CDKAL1: variants seen among roughly 807,000 people sequenced by gnomAD.
The protein encoded by CDKAL1 is threonylcarbamoyladenosine tRNA methylthiotransferase.
In CDKAL1, 32 loss-of-function variants were observed where a neutral mutation model predicts 68.2. The observed-to-expected ratio is 0.47, with a 90% CI of 0.35 to 0.63. The LOEUF is 0.63. Among genes scored for constraint, CDKAL1 ranks in the 30% least tolerant of loss-of-function variants. The pLI, the probability that CDKAL1 is intolerant of heterozygous loss-of-function variation, is 0.00. For synonymous variants in CDKAL1, 234 were observed against 244.3 expected (o/e 0.96, Z 0.39); for missense variants, 606 against 696.7 (o/e 0.87, Z 1.47).
rs973040121 is a variant in CDKAL1 at position 20,680,982 on chromosome 6, T to C, written c.371+31605T>C. ...AAATAACACTTATTGGCATCAAAGA[T>C]ACTAAAGTATTTAATGCCTTAAATG... On this transcript the variant is annotated intron_variant, in intron 5 of 15. Coordinates refer to ENST00000274695, the MANE Select transcript of CDKAL1 (RefSeq NM_017774.3). 1.8e-4 allele frequency among the ~76,000 whole-genome samples: 28 copies of C among 152,204 alleles called. 1 individual carries two copies. Among genetic ancestry groups the C allele is most frequent in the African/African-American group, 6.8e-4 (28 of 41,446 alleles).
intron 9 of CDKAL1, among the ~76,000 whole-genome samples, chr6:20,888,668 G>GT (rs1229282313): frequency 6.6e-6 from 1 of 150,710 alleles, no homozygotes; most frequent in African/African-American, 2.4e-5. Context: ...ATGATTTCCA[G>GT]TTTCATCCAT....
At chr6:20,988,433 A>G (rs997998270) in intron 10 of CDKAL1, among the ~76,000 whole-genome samples, 4 of 152,192 alleles carry the variant, frequency 2.6e-5, no homozygotes, top group Non-Finnish European at 5.9e-5. Context: ...CGTAACATTC[A>G]CAATCATAGT....
At chr6:20,612,823 T>C (rs889510515) in intron 4 of CDKAL1, among the ~76,000 whole-genome samples, 1 of 152,144 alleles carries the variant, frequency 6.6e-6, no homozygotes, top group African/African-American at 2.4e-5. Context: ...CCTAGACCAA[T>C]GTCCTGGAGT....
At chr6:20,621,831 T>C (rs183737783) in intron 4 of CDKAL1, among the ~76,000 whole-genome samples, 2 of 151,760 alleles carry the variant, frequency 1.3e-5, no homozygotes, top group Admixed American at 1.3e-4. Flanking sequence ...ATCTTGCATA[T>C]TTCCTGCCCC....
intron 11 of CDKAL1, among the ~76,000 whole-genome samples, chr6:21,032,479 G>A (rs1008725609): frequency 6.6e-6 from 1 of 152,040 alleles, no homozygotes; most frequent in African/African-American, 2.4e-5. Flanking sequence ...CTCCCAAATA[G>A]AGCTGATTAT....
intron 4 of CDKAL1, among the ~76,000 whole-genome samples, chr6:20,625,631 T>G (rs988429476): frequency 6.6e-6 from 1 of 152,126 alleles, no homozygotes; most frequent in Non-Finnish European, 1.5e-5. Context: ...TCAAATGTGT[T>G]CTGTGTACTT....
chr6:20,826,040 A>G (rs1777489991), intron 8 of CDKAL1, among the ~76,000 whole-genome samples: 1 of 152,166 alleles, frequency 6.6e-6, no homozygotes, highest in African/African-American at 2.4e-5. Context: ...ACTTGTAATT[A>G]TATCATTTCC....
At chr6:20,886,167 T>C (rs561848504) in intron 9 of CDKAL1, among the ~76,000 whole-genome samples, 1 of 152,312 alleles carries the variant, frequency 6.6e-6, no homozygotes, top group South Asian at 2.1e-4. Flanking sequence ...TCTTAGTCTT[T>C]AGTGTGATGC....
intron 8 of CDKAL1, among the ~76,000 whole-genome samples, chr6:20,790,780 C>A (rs1437297427): frequency 2.6e-5 from 4 of 152,080 alleles, no homozygotes; most frequent in African/African-American, 9.7e-5. Context: ...GGGGGTGGTC[C>A]CCCCACCCCT....
chr6:20,612,080 T>C (rs13212501), intron 4 of CDKAL1, among the ~76,000 whole-genome samples: 9,965 of 152,242 alleles, frequency 0.065, 438 homozygotes, highest in African/African-American at 0.12. Context: ...AATGATATGA[T>C]TTTGTTCTTT....
At chr6:21,155,076 TTAC>T (rs1776585900) in intron 13 of CDKAL1, among the ~76,000 whole-genome samples, 1 of 152,134 alleles carries the variant, frequency 6.6e-6, no homozygotes. Flanking sequence ...TTTAAAACGT[TTAC>T]TGCTGACCTA....
intron 8 of CDKAL1, among the ~76,000 whole-genome samples, chr6:20,838,595 A>G (rs1360712359): frequency 6.6e-6 from 1 of 152,232 alleles, no homozygotes; most frequent in Non-Finnish European, 1.5e-5. Flanking sequence ...AAACACATTT[A>G]GAAAACAGTT....
At chr6:20,558,670 G>A in intron 4 of CDKAL1, 2 of 447,014 alleles carry the variant, frequency 4.5e-6, no homozygotes, top group South Asian at 1.6e-5. Context: ...TTTCCATGTT[G>A]TTGAGGAAAA....
intron 13 of CDKAL1, among the ~76,000 whole-genome samples, chr6:21,162,814 G>C (rs1484584459): frequency 6.6e-6 from 1 of 152,078 alleles, no homozygotes; most frequent in Non-Finnish European, 1.5e-5. Context: ...TGTAGTCCCA[G>C]CTGCTCAGGA....
intron 10 of CDKAL1, among the ~76,000 whole-genome samples, chr6:20,985,594 C>T (rs534422190): frequency 6.3e-4 from 96 of 152,276 alleles, no homozygotes; most frequent in Non-Finnish European, 1.1e-3. Flanking sequence ...TGCACCCCAC[C>T]CTGTTCCATG....
chr6:21,043,421 T>TGTAAGCTGC (rs1770045087), intron 11 of CDKAL1, among the ~76,000 whole-genome samples: 1 of 152,132 alleles, frequency 6.6e-6, no homozygotes, highest in Non-Finnish European at 1.5e-5. Flanking sequence ...TCTTTCAGAC[T>TGTAAGCTGC]CCAAAAATCT....
intron 11 of CDKAL1, among the ~76,000 whole-genome samples, chr6:21,052,430 C>T (rs1342965503): frequency 1.3e-5 from 2 of 152,132 alleles, no homozygotes; most frequent in East Asian, 3.9e-4. Flanking sequence ...CTCACTGCAG[C>T]CTCAAACTTC....
chr6:20,748,555 GAA>G (rs760404728), intron 6 of CDKAL1, among the ~76,000 whole-genome samples: 1 of 28,742 alleles, frequency 3.5e-5, no homozygotes, highest in African/African-American at 1.2e-4. Context: ...TCTGTTTCTG[GAA>G]AAAAAAAAAA....
chr6:21,111,899 G>T (rs960006056), intron 13 of CDKAL1, among the ~76,000 whole-genome samples: 1 of 152,152 alleles, frequency 6.6e-6, no homozygotes, highest in African/African-American at 2.4e-5. Flanking sequence ...GTAATCCAAA[G>T]TAGCAGATAA....
Sources: gnomAD v4.1 joint callset for allele counts (sites outside exome capture counted in the v4.1 genomes callset) on GRCh38, gnomAD v4.1.1 for gene constraint, MANE v1.5 for transcripts, NCBI Gene and HGNC (gene_info 2026-07-23, HGNC 2026-07-21) for gene names.